The following SMOC1 variants were observed in gnomAD, a reference collection of about 807,000 sequenced individuals.
The protein encoded by SMOC1 is SPARC-related modular calcium-binding protein 1.
In SMOC1, 22 loss-of-function variants were observed where a neutral mutation model predicts 56.3. The ratio of observed to expected loss-of-function variants is 0.39; its 90% CI spans 0.28 to 0.56. The LOEUF is 0.56. SMOC1 is among the 20% of genes least tolerant of loss of function. The probability of loss-of-function intolerance (pLI) is 0.61; values close to 1 mark genes in which losing one functional copy is unlikely to be tolerated. For missense variants in SMOC1, 509 were observed against 565.4 expected (o/e 0.90, Z 1.01); for synonymous variants, 193 against 215.0 (o/e 0.90, Z 0.89).
chr14:69,888,634 C>T (rs972642675), intron 1 of SMOC1, among the ~76,000 whole-genome samples: 6 of 152,006 alleles, frequency 3.9e-5, no homozygotes, highest in Non-Finnish European at 5.9e-5. Flanking sequence ...TTTTACACTA[C>T]GGTGTTGATT....
chr14:69,909,301 C>T (rs1046233074), intron 1 of SMOC1, among the ~76,000 whole-genome samples: 11 of 152,152 alleles, frequency 7.2e-5, no homozygotes, highest in African/African-American at 1.9e-4. Context: ...TTTACTTCAG[C>T]GTGTGAAATA....
rs1350815267 is a variant in SMOC1, at chr14:69,961,270, G to GTATATA, written c.378+7739_378+7740insATATAT. The stretch of plus-strand genomic sequence containing the variant: ...TTTTATTGTCAAGCAATATTCTATT[G>GTATATA]TGTATATATATATATATATATATAT... On this transcript the variant is annotated intron_variant, in intron 3 of 11. Coordinates refer to ENST00000361956, the MANE Select transcript of SMOC1 (RefSeq NM_001034852.3). Among the ~76,000 whole-genome samples the GTATATA allele has an allele frequency of 4.4e-4, 26 of 59,680 alleles. 3 individuals carry two copies. Among genetic ancestry groups the GTATATA allele is most frequent in the African/African-American group, 1.8e-3 (22 of 12,534 alleles). 39.2% of individuals were successfully genotyped at this position (59,680 alleles called of 152,430 possible). A position where few individuals can be genotyped will look rare whatever the true frequency, so the allele number is the denominator to read the frequency against.
At chr14:69,917,739 T>A (rs536550511) in intron 1 of SMOC1, among the ~76,000 whole-genome samples, 80 of 152,348 alleles carry the variant, frequency 5.3e-4, no homozygotes, top group African/African-American at 1.8e-3. Context: ...TTTTTCAGGT[T>A]TCTATATGAA....
In SMOC1 at chr14:70,010,795, G is replaced by A. The variant is rs764605455; in HGVS notation, c.706G>A (p.Glu236Lys). 6.2e-7 allele frequency: 1 copy of A among 1,614,108 alleles called. No homozygotes were observed. The highest frequency in any genetic ancestry group is 8.5e-7 in the Non-Finnish European group (1 of 1,180,042). The change falls in exon 8 of 12, where the codon GAA (glutamate) becomes AAA (lysine). Residue 236 changes from glutamate (E) to lysine (K), a missense_variant. Physicochemically the swap from Glu to Lys is moderately conservative, Grantham distance 56. Transcript: ENST00000361956. The part of the protein sequence containing the change: ...SCDQERQSAL[E>K]EAQQNPREGI... ...TGACCAGGAGAGGCAGAGTGCCCTG[G>A]AAGAGGCCCAGCAGAATCCCCGTGA...
At chr14:69,988,182 C>T (rs920301504) in intron 5 of SMOC1, among the ~76,000 whole-genome samples, 1 of 152,140 alleles carries the variant, frequency 6.6e-6, no homozygotes, top group Admixed American at 6.5e-5. Flanking sequence ...CTCTTGACAT[C>T]CTCCTTGAGA....
rs544319027 is a variant in SMOC1 at position 69,885,787 on chromosome 14, G to A, written c.99+6010G>A. 71 of 1,573,550 alleles carry A rather than the reference G, an allele frequency of 4.5e-5. No individual in the cohort carries two copies. In the East Asian group the frequency reaches 8.1e-4, roughly 18 times the overall value. ...CCCCTTTGCCAGCAGCTTTCTTCTC[G>A]GCCCGGGCCAACAGTCTCTGCTTCT... On this transcript the variant is annotated intron_variant, in intron 1 of 11. Coordinates refer to ENST00000361956, the MANE Select transcript of SMOC1 (RefSeq NM_001034852.3).
intron 1 of SMOC1, among the ~76,000 whole-genome samples, chr14:69,900,271 GTGTGTGTGCCATTTAT>G (rs1884208094): frequency 6.6e-6 from 1 of 152,216 alleles, no homozygotes. Context: ...AGGGTAGGGA[GTGTGTGTGCCATTTAT>G]TTCATGTTGA....
intron 10 of SMOC1, among the ~76,000 whole-genome samples, chr14:70,021,728 T>C (rs534684814): frequency 6.6e-6 from 1 of 152,140 alleles, no homozygotes; most frequent in Non-Finnish European, 1.5e-5. Context: ...CCCCGCATAA[T>C]GGAACTTCTT....
chr14:69,925,638 C>T (rs1884989692), intron 1 of SMOC1, among the ~76,000 whole-genome samples: 1 of 152,150 alleles, frequency 6.6e-6, no homozygotes, highest in Non-Finnish European at 1.5e-5. Context: ...GTCTCCGTCT[C>T]CGGCACTAAG....
chr14:70,017,156 C>G (rs1370107126), intron 10 of SMOC1, among the ~76,000 whole-genome samples: 1 of 152,194 alleles, frequency 6.6e-6, no homozygotes, highest in East Asian at 1.9e-4. Flanking sequence ...CTCGATAAGA[C>G]CTCTTTCTGG....
At chr14:69,917,959 C>T (rs1217125945) in intron 1 of SMOC1, among the ~76,000 whole-genome samples, 5 of 152,164 alleles carry the variant, frequency 3.3e-5, no homozygotes. Flanking sequence ...CACCTCCCTT[C>T]CTGCCTCTAG....
chr14:69,932,312 G>T (rs913745655), intron 1 of SMOC1, among the ~76,000 whole-genome samples: 1 of 152,230 alleles, frequency 6.6e-6, no homozygotes, highest in African/African-American at 2.4e-5. Flanking sequence ...TTGCTGTTTT[G>T]CTGTAGAATG....
chr14:69,908,240 G>T (rs750981223), intron 1 of SMOC1, among the ~76,000 whole-genome samples: 9 of 152,194 alleles, frequency 5.9e-5, no homozygotes, highest in Non-Finnish European at 1.3e-4. Flanking sequence ...GTTGATCTGG[G>T]TGTTTTCTCT....
chr14:69,985,862 CTA>C (rs941346684), intron 5 of SMOC1, among the ~76,000 whole-genome samples: 1 of 152,194 alleles, frequency 6.6e-6, no homozygotes, highest in Non-Finnish European at 1.5e-5. Context: ...TATAATTATT[CTA>C]TTTTATTATT....
Position 69,953,543 on chromosome 14 carries a change from G to A in SMOC1, c.378+11G>A, listed in dbSNP as rs745804942. The A allele has an allele frequency of 5.0e-6, 8 of 1,609,114 alleles. No individual in the cohort carries two copies. Among genetic ancestry groups the A allele is most frequent in the Admixed American group, 3.3e-5 (2 of 60,026 alleles). On this transcript the variant is annotated intron_variant, in intron 3 of 11. Transcript: ENST00000361956. ...GGCTCCTTTACCCAGGTGAGGCCTC[G>A]GACAATCCTCTTGGGCTCTTTCCTG...
chr14:69,888,379 G>A (rs555760066), intron 1 of SMOC1, among the ~76,000 whole-genome samples: 1 of 152,202 alleles, frequency 6.6e-6, no homozygotes, highest in Non-Finnish European at 1.5e-5. Flanking sequence ...ATCTAAGCTT[G>A]TTAGGTATGG....
intron 1 of SMOC1, chr14:69,885,450 C>T: frequency 2.5e-6 from 4 of 1,601,274 alleles, no homozygotes; most frequent in East Asian, 2.2e-5. Flanking sequence ...CGGATCTCAT[C>T]GTATCTGTCA....
At chr14:69,931,804 C>A (rs984077330) in intron 1 of SMOC1, among the ~76,000 whole-genome samples, 2 of 152,172 alleles carry the variant, frequency 1.3e-5, no homozygotes, top group African/African-American at 4.8e-5. Context: ...AAAGAAATGG[C>A]CACGCTTTAG....
chr14:69,914,891 T>C (rs993576745), intron 1 of SMOC1, among the ~76,000 whole-genome samples: 6 of 151,860 alleles, frequency 4.0e-5, no homozygotes, highest in Non-Finnish European at 7.4e-5. Flanking sequence ...CATTCATTCA[T>C]TCATTCATTC....
Sources: gnomAD v4.1 joint callset for allele counts (sites outside exome capture counted in the v4.1 genomes callset) on GRCh38, gnomAD v4.1.1 for gene constraint, MANE v1.5 for transcripts, NCBI Gene and HGNC (gene_info 2026-07-23, HGNC 2026-07-21) for gene names.